Variants in PIK3R5 observed in about 807,000 individuals in gnomAD.
PIK3R5 encodes phosphoinositide 3-kinase regulatory subunit 5.
In PIK3R5, 32 loss-of-function variants were observed where a neutral mutation model predicts 94.9. The ratio of observed to expected loss-of-function variants is 0.34; its 90% CI spans 0.25 to 0.45. PIK3R5 has a LOEUF of 0.45. Ranked by LOEUF, PIK3R5 falls within the 20% of genes least tolerant of loss-of-function variation. The pLI, the probability that PIK3R5 is intolerant of heterozygous loss-of-function variation, is 1.00. For missense variants in PIK3R5, 853 were observed against 1,144.6 expected (o/e 0.75, Z 3.68); for synonymous variants, 443 against 479.4 (o/e 0.92, Z 0.99).
chr17:8,963,256 G>A (rs1277263478), intron 1 of PIK3R5, among the ~76,000 whole-genome samples: 1 of 152,234 alleles, frequency 6.6e-6, no homozygotes, highest in Non-Finnish European at 1.5e-5. Flanking sequence ...CTTGGGATGA[G>A]CATCTTTGAA....
In PIK3R5 at chr17:8,886,179, C is replaced by T. The variant is rs201927851; in HGVS notation, c.2128+50G>A. Reference sequence around the variant, plus strand: ...CCCACCTCCACAGAGCTCCACGTTTCGCGTCCCAGGCCCCGCCTCACCGTC... The same window carrying T: ...CCCACCTCCACAGAGCTCCACGTTTTGCGTCCCAGGCCCCGCCTCACCGTC... On this transcript the variant is annotated intron_variant, in intron 14 of 18. Transcript: ENST00000447110. 135 of 1,422,700 alleles carry T rather than the reference C, an allele frequency of 9.5e-5. No individual in the cohort carries two copies. In the African/African-American group the frequency reaches 1.5e-3, roughly 16 times the overall value. 88.1% of individuals were successfully genotyped at this position (1,422,700 alleles called of 1,614,324 possible).
intron 1 of PIK3R5, among the ~76,000 whole-genome samples, chr17:8,957,420 A>T (rs1028371719): frequency 1.3e-5 from 2 of 152,168 alleles, no homozygotes; most frequent in Admixed American, 1.3e-4. Flanking sequence ...CACCTTTTTC[A>T]AAGGACACTG....
At chr17:8,923,908 T>TCCCC (rs2090806047) in intron 1 of PIK3R5, among the ~76,000 whole-genome samples, 1 of 33,214 alleles carries the variant, frequency 3.0e-5, no homozygotes, top group Non-Finnish European at 5.7e-5. Context: ...TCCCCTCCCC[T>TCCCC]TCCCTTCCCT....
chr17:8,902,292 T>C (rs1315150028), intron 5 of PIK3R5, among the ~76,000 whole-genome samples: 2 of 148,470 alleles, frequency 1.3e-5, no homozygotes, highest in African/African-American at 5.0e-5. Context: ...AGTCTCGCTT[T>C]GTCTGCAGGC....
intron 5 of PIK3R5, among the ~76,000 whole-genome samples, chr17:8,901,739 T>A (rs1020015060): frequency 1.6e-4 from 24 of 152,248 alleles, no homozygotes; most frequent in Non-Finnish European, 2.8e-4. Context: ...CAACTAGTTA[T>A]TCAACATCTT....
rs1214186536 is a variant in PIK3R5 at position 8,933,072 on chromosome 17, G to A, written c.-13-21565C>T. Among the ~76,000 whole-genome samples the A allele has an allele frequency of 2.0e-5, 3 of 152,122 alleles. No homozygotes were observed. In the East Asian group the frequency reaches 5.8e-4, roughly 29 times the overall value. On this transcript the variant is annotated intron_variant, in intron 1 of 18. Coordinates refer to ENST00000447110, the MANE Select transcript of PIK3R5 (RefSeq NM_001142633.3). ...TAGAAACAACACAAACTAGGATAGAGTGATATACATCTTTATAGTGCTTAA... is the reference window on the plus strand; with the variant it reads ...TAGAAACAACACAAACTAGGATAGAATGATATACATCTTTATAGTGCTTAA...
chr17:8,883,458 A>T (rs778935941), intron 15 of PIK3R5, among the ~76,000 whole-genome samples: 3 of 152,342 alleles, frequency 2.0e-5, no homozygotes, highest in Non-Finnish European at 4.4e-5. Context: ...TCACCTCAGC[A>T]TCATGTTCCC....
intron 1 of PIK3R5, among the ~76,000 whole-genome samples, chr17:8,920,497 C>T (rs1325605321): frequency 6.6e-5 from 10 of 152,180 alleles, no homozygotes; most frequent in Non-Finnish European, 1.5e-4. Flanking sequence ...GAAGGATAAT[C>T]ATGCATCCCT....
chr17:8,961,886 A>G (rs8066169), intron 1 of PIK3R5, among the ~76,000 whole-genome samples: 29 of 152,166 alleles, frequency 1.9e-4, no homozygotes, highest in African/African-American at 6.5e-4. Context: ...TTTTGGGTGT[A>G]ACTTGCTGTA....
chr17:8,919,336 C>A (rs1470213657), intron 1 of PIK3R5, among the ~76,000 whole-genome samples: 1 of 152,192 alleles, frequency 6.6e-6, no homozygotes, highest in Non-Finnish European at 1.5e-5. Context: ...TAGCCTTATG[C>A]CCTTTCAGTA....
In PIK3R5 at chr17:8,881,074, C is replaced by T; in HGVS notation, c.2383-57G>A. The T allele has an allele frequency of 7.8e-7, 1 of 1,285,778 alleles. No individual in the cohort carries two copies. The highest frequency in any genetic ancestry group is 1.2e-5 in the South Asian group (1 of 84,490). 79.6% of individuals were successfully genotyped at this position (1,285,778 alleles called of 1,614,324 possible). A position where few individuals can be genotyped will look rare whatever the true frequency, so the allele number is the denominator to read the frequency against. ...CCTGGCCATCCAACACTGCCAGCCC[C>T]TGGCAGTTCCTTTTCTCAGAACTGC... is the stretch of plus-strand genomic sequence containing the variant. On this transcript the variant is annotated intron_variant, in intron 17 of 18. Coordinates refer to ENST00000447110, the MANE Select transcript of PIK3R5 (RefSeq NM_001142633.3). The surrounding 1 kb of genome is among the most constrained non-coding windows in gnomAD (Gnocchi z 4.8).
Position 8,904,993 on chromosome 17 carries a change from T to C in PIK3R5, c.274-78A>G, listed in dbSNP as rs1254279759. The C allele has an allele frequency of 3.5e-6, 5 of 1,439,392 alleles. No homozygotes were observed. The highest frequency in any genetic ancestry group is 4.8e-6 in the Non-Finnish European group (5 of 1,043,136). The allele number at this position is 1,439,392 out of a possible 1,614,324, so 89.2% of individuals were successfully genotyped here. On this transcript the variant is annotated intron_variant, in intron 4 of 18. Coordinates refer to ENST00000447110, the MANE Select transcript of PIK3R5 (RefSeq NM_001142633.3). The surrounding 1 kb of genome is among the most constrained non-coding windows in gnomAD (Gnocchi z 5.1). ...ATAGTCCCAGACAGCTTCTGCTCCC[T>C]TTCTGGAATATTCCACAAAAGACAC...
rs1171460341 is a variant in PIK3R5, at chr17:8,948,058, A to G, written c.-14+17538T>C. The stretch of plus-strand genomic sequence containing the variant: ...ACTCCGTCTTAAAAAAAAAAAAAAA[A>G]AAAAAAAAGAAAAGAAAAGAAAAGA... On this transcript the variant is annotated intron_variant, in intron 1 of 18. Coordinates refer to ENST00000447110, the MANE Select transcript of PIK3R5 (RefSeq NM_001142633.3). 3.3e-5 allele frequency among the ~76,000 whole-genome samples: 5 copies of G among 150,784 alleles called. No individual in the cohort carries two copies. The East Asian group carries it at 7.7e-4, about 23-fold the overall frequency.
chr17:8,913,060 C>T (rs2090559345), intron 1 of PIK3R5, among the ~76,000 whole-genome samples: 1 of 152,212 alleles, frequency 6.6e-6, no homozygotes, highest in Non-Finnish European at 1.5e-5. Context: ...GTGGGAGACA[C>T]AGACACTGAG....
In PIK3R5 at chr17:8,896,083, A is replaced by C. The variant is rs189013091; in HGVS notation, c.413-2428T>G. ...TGTGCAATGTGGAGGAGGCTTTGAT[A>C]ATATAAGCTTTTGTACAGACTGACT... is the stretch of plus-strand genomic sequence containing the variant. On this transcript the variant is annotated intron_variant, in intron 5 of 18. Coordinates refer to ENST00000447110, the MANE Select transcript of PIK3R5 (RefSeq NM_001142633.3). The surrounding 1 kb of genome is among the most constrained non-coding windows in gnomAD (Gnocchi z 4.0). Among the ~76,000 whole-genome samples the C allele has an allele frequency of 1.1e-3, 164 of 152,286 alleles. No individual in the cohort carries two copies. Among genetic ancestry groups the C allele is most frequent in the Non-Finnish European group, 2.1e-3 (142 of 68,022 alleles).
At chr17:8,944,778 T>G (rs1032630732) in intron 1 of PIK3R5, among the ~76,000 whole-genome samples, 3 of 152,120 alleles carry the variant, frequency 2.0e-5, no homozygotes, top group Non-Finnish European at 4.4e-5. Flanking sequence ...CCTTCTCAAG[T>G]GCAATTCTTG....
intron 1 of PIK3R5, among the ~76,000 whole-genome samples, chr17:8,933,852 G>GA (rs1422036821): frequency 2.6e-5 from 4 of 151,686 alleles, no homozygotes; most frequent in Non-Finnish European, 5.9e-5. Context: ...AAAGAAGAGT[G>GA]AAAAAAAATC....
Position 8,904,758 on chromosome 17 carries a change from C to T in PIK3R5, c.412+19G>A. On this transcript the variant is annotated intron_variant, in intron 5 of 18. Coordinates refer to ENST00000447110, the MANE Select transcript of PIK3R5 (RefSeq NM_001142633.3). This position sits in a 1 kb window ranked among gnomAD's most constrained non-coding sequence, Gnocchi z 5.1. ...ACCTTCTGAGCCCTGTCCCCCGTGCCAGCTGCCTCAGTGCTTACCTGGGGC... is the reference window on the plus strand; with the variant it reads ...ACCTTCTGAGCCCTGTCCCCCGTGCTAGCTGCCTCAGTGCTTACCTGGGGC... 6.2e-7 allele frequency: 1 copy of T among 1,613,158 alleles called. No individual in the cohort carries two copies. The highest frequency in any genetic ancestry group is 8.5e-7 in the Non-Finnish European group (1 of 1,179,300).
intron 1 of PIK3R5, among the ~76,000 whole-genome samples, chr17:8,941,790 C>A (rs2091185506): frequency 6.6e-6 from 1 of 152,218 alleles, no homozygotes; most frequent in Non-Finnish European, 1.5e-5. Flanking sequence ...TGGATATCAA[C>A]CTGTCACCAC....
Sources: allele counts gnomAD v4.1 joint callset (sites outside exome capture counted in the v4.1 genomes callset), GRCh38; gene constraint gnomAD v4.1.1; non-coding constraint Gnocchi (gnomAD v3.1); transcripts MANE v1.5; gene names NCBI Gene and HGNC (gene_info 2026-07-23, HGNC 2026-07-21).